Variants in CPEB2 observed in about 807,000 individuals in gnomAD.
CPEB2 encodes the protein cytoplasmic polyadenylation element binding protein 2, also known as cytoplasmic polyadenylation element-binding protein 2.
CPEB2 carries 56 observed loss-of-function variants against 93.6 expected under a neutral mutation model. That is an observed-to-expected ratio of 0.60 (90% CI 0.48 to 0.75). The LOEUF (loss-of-function observed/expected upper bound fraction) is 0.75. CPEB2 is among the 30% of genes least tolerant of loss of function. The probability of loss-of-function intolerance (pLI) is 0.00; values close to 1 mark genes in which losing one functional copy is unlikely to be tolerated. For missense variants in CPEB2, 1,579 were observed against 1,395.1 expected (o/e 1.13, Z -2.10); for synonymous variants, 764 against 586.3 (o/e 1.30, Z -4.38).
In CPEB2 at chr4:15,019,261, A is replaced by G. The variant is rs559963138; in HGVS notation, c.2125+1983A>G. 2.0e-5 allele frequency among the ~76,000 whole-genome samples: 3 copies of G among 152,050 alleles called. No individual in the cohort carries two copies. The East Asian group carries it at 5.8e-4, about 29-fold the overall frequency. Reference sequence around the variant, plus strand: ...AAGACTGATATTTCTACAAAGCACCATCATATCCCTATTTAAAATTATCTT... The same window carrying G: ...AAGACTGATATTTCTACAAAGCACCGTCATATCCCTATTTAAAATTATCTT... On this transcript the variant is annotated intron_variant, in intron 4 of 11. Transcript: ENST00000538197.
chr4:15,021,143 G>A (rs1167231917), intron 4 of CPEB2, among the ~76,000 whole-genome samples: 1 of 152,136 alleles, frequency 6.6e-6, no homozygotes, highest in Non-Finnish European at 1.5e-5. Flanking sequence ...GCTATCTTTT[G>A]CTATGGATCG....
intron 4 of CPEB2, among the ~76,000 whole-genome samples, chr4:15,032,795 A>T (rs1726253089): frequency 1.3e-5 from 2 of 152,160 alleles, no homozygotes; most frequent in African/African-American, 4.8e-5. Context: ...AGATAAAATT[A>T]CAAACAACTT....
intron 8 of CPEB2, among the ~76,000 whole-genome samples, chr4:15,055,751 T>G (rs559638845): frequency 8.5e-5 from 13 of 152,292 alleles, no homozygotes; most frequent in African/African-American, 2.9e-4. Context: ...CTTTCTAGCT[T>G]CTTCTACTAT....
Position 15,003,725 on chromosome 4 carries a change from G to T in CPEB2, c.1052G>T (p.Gly351Val). The change falls in exon 1 of 12, where the codon GGC becomes GTC. Residue 351 changes from glycine to valine, a missense_variant. Gly to Val is a moderately radical substitution (Grantham distance 109). This residue lies in a region of CPEB2 where 1,411 missense variants were observed against 1,056.0 expected (regional missense o/e 1.34). Transcript: ENST00000538197. ...CAGAGCCCGGACCTTCCACACCCGG[G>T]CGGCGGCGGCGGCGGCGGGGGCGGG... ...SLQSPDLPHP[G>V]GGGGGGGGGP... 1.4e-5 allele frequency: 18 copies of T among 1,246,918 alleles called. No individual in the cohort carries two copies. Among genetic ancestry groups the T allele is most frequent in the Non-Finnish European group, 1.8e-5 (18 of 990,856 alleles). 77.2% of individuals were successfully genotyped at this position (1,246,918 alleles called of 1,614,324 possible). A position where few individuals can be genotyped will look rare whatever the true frequency, so the allele number is the denominator to read the frequency against.
chr4:15,063,096 T>G (rs1264499680), intron 11 of CPEB2, among the ~76,000 whole-genome samples: 3 of 152,072 alleles, frequency 2.0e-5, no homozygotes, highest in Non-Finnish European at 2.9e-5. Flanking sequence ...TCTGAATTAG[T>G]AGATAGAAGA....
Position 15,002,862 on chromosome 4 carries a change from C to T in CPEB2, c.189C>T (p.Ser63=), listed in dbSNP as rs1193702898. Residue 63 remains serine (S), a synonymous_variant, in exon 1 of 12, where the codon TCC becomes TCT. Transcript: ENST00000538197. ...LPVTGFLEAA[S]PFSVPLGGGA... is the part of the protein sequence containing the mutation. ...TCACCGGCTTCTTAGAGGCCGCCTC[C>T]CCCTTCTCCGTCCCCCTCGGCGGCG... The T allele has an allele frequency of 1.3e-6, 2 of 1,533,770 alleles. No individual in the cohort carries two copies. The highest frequency in any genetic ancestry group is 8.7e-7 in the Non-Finnish European group (1 of 1,146,064).
At chr4:15,019,099 G>T (rs1031817323) in intron 4 of CPEB2, among the ~76,000 whole-genome samples, 1 of 150,634 alleles carries the variant, frequency 6.6e-6, no homozygotes, top group African/African-American at 2.4e-5. Flanking sequence ...ACCACCTTTA[G>T]GAATCATTAT....
chr4:15,027,411 CT>C (rs896178173), intron 4 of CPEB2, among the ~76,000 whole-genome samples: 1 of 152,118 alleles, frequency 6.6e-6, no homozygotes, highest in African/African-American at 2.4e-5. Context: ...ATCTAAGGGT[CT>C]TTTCTGCGTT....
At chr4:15,035,331 G>T (rs968494939) in intron 5 of CPEB2, among the ~76,000 whole-genome samples, 1 of 152,036 alleles carries the variant, frequency 6.6e-6, no homozygotes, top group Non-Finnish European at 1.5e-5. Context: ...ACCTTGAACA[G>T]CTTACCTCAC....
intron 3 of CPEB2, among the ~76,000 whole-genome samples, chr4:15,016,238 CAT>C (rs1426899154): frequency 6.6e-6 from 1 of 151,954 alleles, no homozygotes; most frequent in African/African-American, 2.4e-5. Flanking sequence ...CGTGTATACA[CAT>C]ATGTAACTGG....
chr4:15,010,341 C>G (rs1051870409), intron 3 of CPEB2, among the ~76,000 whole-genome samples: 2 of 152,144 alleles, frequency 1.3e-5, no homozygotes, highest in Admixed American at 1.3e-4. Flanking sequence ...TGCCCCACCC[C>G]CCTTGCCTCT....
intron 8 of CPEB2, among the ~76,000 whole-genome samples, chr4:15,057,659 T>C (rs1728838502): frequency 6.6e-6 from 1 of 152,210 alleles, no homozygotes; most frequent in African/African-American, 2.4e-5. Context: ...GGATACATGA[T>C]TTTTTATTAA....
intron 11 of CPEB2, among the ~76,000 whole-genome samples, chr4:15,064,977 CAA>C (rs1214043401): frequency 6.6e-6 from 1 of 151,928 alleles, no homozygotes; most frequent in Non-Finnish European, 1.5e-5. Context: ...AGAAAATATG[CAA>C]AAGATACAAA....
intron 4 of CPEB2, among the ~76,000 whole-genome samples, chr4:15,022,181 G>A (rs1334817646): frequency 6.6e-6 from 1 of 152,100 alleles, no homozygotes; most frequent in Non-Finnish European, 1.5e-5. Flanking sequence ...GTGGGGTGTA[G>A]AACACACCTG....
chr4:15,034,772 A>G (rs1340016421), intron 5 of CPEB2, among the ~76,000 whole-genome samples: 2 of 152,184 alleles, frequency 1.3e-5, no homozygotes, highest in Admixed American at 6.5e-5. Context: ...GTCACAACAT[A>G]ATCGGGAATA....
In CPEB2 at chr4:15,008,510, C is replaced by T. The variant is rs572067309; in HGVS notation, c.2034+83C>T. On this transcript the variant is annotated intron_variant, in intron 3 of 11. Coordinates refer to ENST00000538197, the MANE Select transcript of CPEB2 (RefSeq NM_001177382.2). ...ATGAGTAGGATTTATTATTTACTTT[C>T]TTATTATACCTATTGAAACATATGT... 5.8e-5 allele frequency: 48 copies of T among 820,804 alleles called. 1 individual carries two copies. The African/African-American group carries it at 7.2e-4, about 12-fold the overall frequency. 50.8% of individuals were successfully genotyped at this position (820,804 alleles called of 1,614,324 possible).
At chr4:15,031,218 A>G (rs1181996319) in intron 4 of CPEB2, among the ~76,000 whole-genome samples, 1 of 151,840 alleles carries the variant, frequency 6.6e-6, no homozygotes, top group Non-Finnish European at 1.5e-5. Flanking sequence ...AGTATCGTAG[A>G]TTTAATTAAC....
chr4:15,010,621 T>C (rs1025167816), intron 3 of CPEB2: 1 of 152,206 alleles, frequency 6.6e-6, no homozygotes, highest in Non-Finnish European at 1.5e-5. Flanking sequence ...TTCTCATTCT[T>C]TGGCAAAATT....
chr4:15,033,296 C>T, intron 5 of CPEB2, 85 bp downstream of exon 5: 1 of 835,488 alleles, frequency 1.2e-6, no homozygotes. Context: ...TGTCCATACA[C>T]ACAATTTAAT....
Sources: allele counts gnomAD v4.1 joint callset (sites outside exome capture counted in the v4.1 genomes callset), GRCh38; gene constraint gnomAD v4.1.1; regional missense constraint gnomAD v4.1.1; transcripts MANE v1.5; gene names NCBI Gene and HGNC (gene_info 2026-07-23, HGNC 2026-07-21).